TAMALIN: variants seen among roughly 807,000 people sequenced by gnomAD.
The protein encoded by TAMALIN is trafficking regulator and scaffold protein tamalin, also known as protein TAMALIN.
TAMALIN carries 9 observed loss-of-function variants against 38.5 expected under a neutral mutation model. The ratio of observed to expected loss-of-function variants is 0.23; its 90% CI spans 0.14 to 0.41. The LOEUF (loss-of-function observed/expected upper bound fraction) is 0.41, where lower values mean the gene tolerates loss of function less well. Ranked by LOEUF, TAMALIN falls within the 10% of genes least tolerant of loss-of-function variation. The pLI, the probability that TAMALIN is intolerant of heterozygous loss-of-function variation, is 1.00. For synonymous variants in TAMALIN, 306 were observed against 256.5 expected (o/e 1.19, Z -1.85); for missense variants, 548 against 554.1 (o/e 0.99, Z 0.11).
At position 52,007,243 on chromosome 12, in the gene TAMALIN, G is replaced by C. The variant is rs757414148; in HGVS notation, c.224G>C (p.Gly75Ala). 7.1e-7 allele frequency: 1 copy of C among 1,418,278 alleles called. No homozygotes were observed. The highest frequency in any genetic ancestry group is 9.2e-7 in the Non-Finnish European group (1 of 1,090,514). 87.9% of individuals were successfully genotyped at this position (1,418,278 alleles called of 1,614,324 possible). ...AELYRALAVSGGTLPRRKGSG... is the reference protein window; with the variant it reads ...AELYRALAVSAGTLPRRKGSG... ...CTGTACCGCGCGCTCGCCGTGTCCG[G>C]GGGCACCCTGCCCCGCCGAAAGGTG... is the stretch of plus-strand genomic sequence containing the variant. The change falls in exon 1 of 8, where the codon GGG (glycine) becomes GCG (alanine). Residue 75 changes from glycine to alanine, a missense_variant. This residue lies in a region of TAMALIN where 128 missense variants were observed against 117.9 expected (regional missense o/e 1.09). Transcript: ENST00000293662. This position sits in a 1 kb window ranked among gnomAD's most constrained non-coding sequence, Gnocchi z 6.7.
At position 52,013,975 on chromosome 12, in the gene TAMALIN, C is replaced by A. The variant is rs766022792; in HGVS notation, c.615+32C>A. ...GAACCTAGATAACGTCCAGCCTCCA[C>A]CCTCCTCTTCCCAAGCCTCTGCCCT... On this transcript the variant is annotated intron_variant, in intron 6 of 7. Transcript: ENST00000293662. 3 of 1,605,340 alleles carry A rather than the reference C, an allele frequency of 1.9e-6. No individual in the cohort carries two copies. The East Asian group carries it at 6.7e-5, about 36-fold the overall frequency.
rs1942422617 is a variant in TAMALIN, at chr12:52,007,041, A to G, written c.22A>G (p.Lys8Glu). 6.9e-7 allele frequency: 1 copy of G among 1,446,478 alleles called. No individual in the cohort carries two copies. The highest frequency in any genetic ancestry group is 9.0e-7 in the Non-Finnish European group (1 of 1,107,524). The allele number at this position is 1,446,478 out of a possible 1,614,324, so 89.6% of individuals were successfully genotyped here. A position where few individuals can be genotyped will look rare whatever the true frequency, so the allele number is the denominator to read the frequency against. MTLRRLRKLQQKEEAAAT... is the reference protein window; with the variant it reads MTLRRLRELQQKEEAAAT... The stretch of plus-strand genomic sequence containing the variant: ...AGCCATGACCCTCCGCCGACTCAGG[A>G]AGCTGCAGCAGAAGGAGGAGGCGGC... Residue 8 changes from lysine (K) to glutamate (E), a missense_variant, in exon 1 of 8, where the codon AAG (lysine) becomes GAG (glutamate). Lys to Glu is a moderately conservative substitution (Grantham distance 56). This residue lies in a region of TAMALIN where 128 missense variants were observed against 117.9 expected (regional missense o/e 1.09). Transcript: ENST00000293662. This position sits in a 1 kb window ranked among gnomAD's most constrained non-coding sequence, Gnocchi z 6.7.
In TAMALIN at chr12:52,007,648, A is replaced by C. The variant is rs1942436788; in HGVS notation, c.246+383A>C. 1.0e-6 allele frequency: 1 copy of C among 985,148 alleles called. No homozygotes were observed. Among genetic ancestry groups the C allele is most frequent in the Admixed American group, 6.2e-5 (1 of 16,260 alleles). The allele number at this position is 985,148 out of a possible 1,614,324, so 61.0% of individuals were successfully genotyped here. A position where few individuals can be genotyped will look rare whatever the true frequency, so the allele number is the denominator to read the frequency against. On this transcript the variant is annotated intron_variant, in intron 1 of 7. Transcript: ENST00000293662. The surrounding 1 kb of genome is among the most constrained non-coding windows in gnomAD (Gnocchi z 6.7). ...GACAGAGACAGCCCCAGGCAAGTTG[A>C]AGGTCCGAGAGCCCCCGGTGGGAGA...
intron 1 of TAMALIN, 138 bp from the exon 2 acceptor site, chr12:52,009,052 C>T (rs926229436): frequency 3.6e-6 from 3 of 843,742 alleles, no homozygotes; most frequent in Non-Finnish European, 5.9e-6. Context: ...AATAGTTCCA[C>T]CAGCACCAAA....
chr12:52,011,697 G>A lies in TAMALIN; in HGVS notation c.454+556G>A, dbSNP rs1011941081. Among the ~76,000 whole-genome samples the A allele has an allele frequency of 6.6e-6, 1 of 151,996 alleles. No individual in the cohort carries two copies. The highest frequency in any genetic ancestry group is 2.4e-5 in the African/African-American group (1 of 41,352). The stretch of plus-strand genomic sequence containing the variant: ...AACTCACTATAACCTTGAACTCCTG[G>A]GCTCAAGCGATCCTCCTCTTGCCTC... On this transcript the variant is annotated intron_variant, in intron 4 of 7. Transcript: ENST00000293662. The surrounding 1 kb of genome is among the most constrained non-coding windows in gnomAD (Gnocchi z 5.3).
At chr12:52,012,526 T>C (rs1026831952) in intron 4 of TAMALIN, among the ~76,000 whole-genome samples, 31 of 152,294 alleles carry the variant, frequency 2.0e-4, no homozygotes, top group African/African-American at 7.2e-4. Flanking sequence ...AGTGCTGGGA[T>C]TACAGGTGTG....
Position 52,014,899 on chromosome 12 carries a change from G to A in TAMALIN, c.888G>A (p.Pro296=). ...GCTTCTTCGGGGACTCCGAGCCGCC[G>A]GCGCTGCCGCCCCCGCCGCCCCCGG... ...HTCFFGDSEP[P]ALPPPPPPAR... The change falls in exon 8 of 8, where the codon CCG becomes CCA. Residue 296 remains proline, a synonymous_variant. Transcript: ENST00000293662. 2 of 1,195,138 alleles carry A rather than the reference G, an allele frequency of 1.7e-6. No homozygotes were observed. Among genetic ancestry groups the A allele is most frequent in the South Asian group, 2.1e-5 (1 of 46,850 alleles). 74.0% of individuals were successfully genotyped at this position (1,195,138 alleles called of 1,614,324 possible).
Position 52,007,736 on chromosome 12 carries a change from C to T in TAMALIN, c.246+471C>T. 1 of 985,466 alleles carries T rather than the reference C, an allele frequency of 1.0e-6. No individual in the cohort carries two copies. Among genetic ancestry groups the T allele is most frequent in the Non-Finnish European group, 1.2e-6 (1 of 829,940 alleles). The allele number at this position is 985,466 out of a possible 1,614,324, so 61.0% of individuals were successfully genotyped here. A position where few individuals can be genotyped will look rare whatever the true frequency, so the allele number is the denominator to read the frequency against. ...GAGGAAGTGCGTGGGGAGCCGCTGA[C>T]TCCGGATAGCACACCCTTCCGAGGG... On this transcript the variant is annotated intron_variant, in intron 1 of 7. Coordinates refer to ENST00000293662, the MANE Select transcript of TAMALIN (RefSeq NM_181711.4). The surrounding 1 kb of genome is among the most constrained non-coding windows in gnomAD (Gnocchi z 6.7).
chr12:52,011,075 G>A lies in TAMALIN; in HGVS notation c.388G>A (p.Glu130Lys). 6.2e-7 allele frequency: 1 copy of A among 1,613,334 alleles called. No individual in the cohort carries two copies. Among genetic ancestry groups the A allele is most frequent in the South Asian group, 1.1e-5 (1 of 91,052 alleles). ...TCACCACCGGGAGGAGCAGCGTGTG[G>A]AAATGGTGACCTTTGTCTGCCGAGT... ...GLHHREEQRVEMVTFVCRVHE... is the reference protein window; with the variant it reads ...GLHHREEQRVKMVTFVCRVHE... The change falls in exon 4 of 8, where the codon GAA (glutamate) becomes AAA (lysine). Residue 130 changes from glutamate to lysine, a missense_variant. Transcript: ENST00000293662. This position sits in a 1 kb window ranked among gnomAD's most constrained non-coding sequence, Gnocchi z 5.3.
At chr12:52,010,669 A>G (rs1273000636) in intron 2 of TAMALIN, 1 of 943,230 alleles carries the variant, frequency 1.1e-6, no homozygotes, top group East Asian at 3.2e-5. Flanking sequence ...TCCCACCACT[A>G]GAGGCTGGAT....
In TAMALIN at chr12:52,009,214, C is replaced by T. The variant is rs73104710; in HGVS notation, c.271C>T (p.Leu91Phe). 21,084 of 1,614,072 alleles carry T rather than the reference C, an allele frequency of 0.013. 188 individuals are homozygous for T. Among genetic ancestry groups the T allele is most frequent in the Non-Finnish European group, 0.015 (18,160 of 1,179,956 alleles). ...GGGCTCAGGATTCCGCTGGAAGAAT[C>T]TCAGCCAGAGTCCTGAACAGCAGCG... The part of the protein sequence containing the change: ...RKGSGFRWKN[L>F]SQSPEQQRKV... The change falls in exon 2 of 8, where the codon CTC (leucine) becomes TTC (phenylalanine). Residue 91 changes from leucine to phenylalanine, a missense_variant. This residue lies in a region of TAMALIN where 415 missense variants were observed against 417.0 expected (regional missense o/e 1.00). Coordinates refer to ENST00000293662, the MANE Select transcript of TAMALIN (RefSeq NM_181711.4).
chr12:52,007,196 G>A lies in TAMALIN; in HGVS notation c.177G>A (p.Leu59=), dbSNP rs1019337825. 1 of 1,524,154 alleles carries A rather than the reference G, an allele frequency of 6.6e-7. No homozygotes were observed. The highest frequency in any genetic ancestry group is 2.1e-5 in the Admixed American group (1 of 46,994). 94.4% of individuals were successfully genotyped at this position (1,524,154 alleles called of 1,614,324 possible). A position where few individuals can be genotyped will look rare whatever the true frequency, so the allele number is the denominator to read the frequency against. The stretch of plus-strand genomic sequence containing the variant: ...CAGCGGACGAGCTGTACGCGGCGCT[G>A]GAGGACTATCACCCTGCCGAGCTGT... ...GPPADELYAA[L]EDYHPAELYR... The change falls in exon 1 of 8, where the codon CTG becomes CTA. Residue 59 remains leucine (L), a synonymous_variant. Transcript: ENST00000293662. This position sits in a 1 kb window ranked among gnomAD's most constrained non-coding sequence, Gnocchi z 6.7.
rs935845410 is a variant in TAMALIN, at chr12:52,010,606, A to G, written c.297-275A>G. On this transcript the variant is annotated intron_variant, in intron 2 of 7. Transcript: ENST00000293662. The stretch of plus-strand genomic sequence containing the variant: ...CTCACTGGAAAGCTGGGATGGGGCT[A>G]AAAAACTCAGCCGGCTCATCCTTCA... 31 of 1,204,202 alleles carry G rather than the reference A, an allele frequency of 2.6e-5. No homozygotes were observed. The Admixed American group carries it at 1.0e-3, about 40-fold the overall frequency. 74.6% of individuals were successfully genotyped at this position (1,204,202 alleles called of 1,614,324 possible).
intron 1 of TAMALIN, chr12:52,008,323 C>T (rs954156068): frequency 2.0e-6 from 2 of 985,112 alleles, no homozygotes; most frequent in African/African-American, 3.5e-5. Context: ...CCTCCCAGGA[C>T]CAAAAAGTTA....
rs1157417971 is a variant in TAMALIN at position 52,011,091 on chromosome 12, T to C, written c.404T>C (p.Val135Ala). Residue 135 changes from valine (V) to alanine (A), a missense_variant, in exon 4 of 8, where the codon GTC becomes GCC. By Grantham distance (64) the Val-to-Ala change is moderately conservative. Coordinates refer to ENST00000293662, the MANE Select transcript of TAMALIN (RefSeq NM_181711.4). The surrounding 1 kb of genome is among the most constrained non-coding windows in gnomAD (Gnocchi z 5.3). Reference sequence around the variant, plus strand: ...CAGCGTGTGGAAATGGTGACCTTTGTCTGCCGAGTTCATGAGTCTAGCCCT... The same window carrying C: ...CAGCGTGTGGAAATGGTGACCTTTGCCTGCCGAGTTCATGAGTCTAGCCCT... ...EEQRVEMVTF[V>A]CRVHESSPAQ... 2 of 1,613,076 alleles carry C rather than the reference T, an allele frequency of 1.2e-6. No individual in the cohort carries two copies. Among genetic ancestry groups the C allele is most frequent in the Non-Finnish European group, 1.7e-6 (2 of 1,179,980 alleles).
intron 3 of TAMALIN, 44 bp downstream of exon 3, chr12:52,010,979 G>A (rs1937632244): frequency 6.2e-7 from 1 of 1,613,574 alleles, no homozygotes. Flanking sequence ...TGGATGACCA[G>A]CCTGAGGGAT....
chr12:52,010,803 C>T, intron 2 of TAMALIN, 78 bp from the exon 3 acceptor site: 1 of 1,474,634 alleles, frequency 6.8e-7, no homozygotes, highest in East Asian at 2.3e-5. Flanking sequence ...GACCAGTTGC[C>T]AATATCCAGG....
intron 3 of TAMALIN, 45 bp from the exon 4 acceptor site, chr12:52,010,994 G>T: frequency 6.2e-7 from 1 of 1,613,864 alleles, no homozygotes; most frequent in Non-Finnish European, 8.5e-7. Flanking sequence ...AGGGATGAAC[G>T]GACTTGTCCC....
rs1197092963 is a variant in TAMALIN, at chr12:52,007,018, C to T, written c.-2C>T. ...CTCTGAGGGGCGTCCGGCGCCGGAG[C>T]CATGACCCTCCGCCGACTCAGGAAG... On this transcript the variant is annotated 5_prime_UTR_variant, in exon 1 of 8. Transcript: ENST00000293662. The surrounding 1 kb of genome is among the most constrained non-coding windows in gnomAD (Gnocchi z 6.7). 4 of 1,420,854 alleles carry T rather than the reference C, an allele frequency of 2.8e-6. No individual in the cohort carries two copies. The highest frequency in any genetic ancestry group is 3.1e-5 in the East Asian group (1 of 32,778). The allele number at this position is 1,420,854 out of a possible 1,614,324, so 88.0% of individuals were successfully genotyped here. A position where few individuals can be genotyped will look rare whatever the true frequency, so the allele number is the denominator to read the frequency against.
Sources: gnomAD v4.1 joint callset for allele counts (sites outside exome capture counted in the v4.1 genomes callset) on GRCh38, gnomAD v4.1.1 for gene constraint, gnomAD v4.1.1 regional missense constraint, Gnocchi (gnomAD v3.1) non-coding constraint, MANE v1.5 for transcripts, NCBI Gene and HGNC (gene_info 2026-07-23, HGNC 2026-07-21) for gene names.